The following ZCWPW2 variants were observed in gnomAD, a reference collection of about 807,000 sequenced individuals.
The protein encoded by ZCWPW2 is zinc finger CW-type PWWP domain protein 2.
In ZCWPW2, 45 loss-of-function variants were observed where a neutral mutation model predicts 46.6. That is an observed-to-expected ratio of 0.96 (90% confidence interval 0.76 to 1.24). The LOEUF (loss-of-function observed/expected upper bound fraction) is 1.24, where lower values mean the gene tolerates loss of function less well. Ranked by LOEUF, ZCWPW2 falls within the 50% of genes most tolerant of loss-of-function variation. The probability of loss-of-function intolerance (pLI) is 0.00; values close to 1 mark genes in which losing one functional copy is unlikely to be tolerated. For missense variants in ZCWPW2, 429 were observed against 403.9 expected, an observed-to-expected ratio of 1.06 and a Z score of -0.53; for synonymous variants, 152 against 137.1, an observed-to-expected ratio of 1.11 and a Z score of -0.76.
At chr3:28,443,927 AC>A (rs58890969) in intron 4 of ZCWPW2, among the ~76,000 whole-genome samples, 3,105 of 152,108 alleles carry the variant, frequency 0.02, 104 homozygotes, top group African/African-American at 0.062. Flanking sequence ...AAGCCTTTGG[AC>A]CCCTTCCTCT....
At chr3:28,360,197 A>T (rs141960863) in intron 1 of ZCWPW2, among the ~76,000 whole-genome samples, 3 of 152,068 alleles carry the variant, frequency 2.0e-5, no homozygotes, top group African/African-American at 7.2e-5. Context: ...GAAAAGTATT[A>T]CTTCCTCCAG....
At chr3:28,434,104 A>G (rs1443063608) in intron 3 of ZCWPW2, among the ~76,000 whole-genome samples, 1 of 152,132 alleles carries the variant, frequency 6.6e-6, no homozygotes, top group South Asian at 2.1e-4. Flanking sequence ...TTACATTCAC[A>G]ATCAGGAATT....
At chr3:28,498,647 A>G (rs1421470387) in intron 6 of ZCWPW2, among the ~76,000 whole-genome samples, 1 of 150,426 alleles carries the variant, frequency 6.6e-6, no homozygotes, top group East Asian at 1.9e-4. Flanking sequence ...AGGATTAGCT[A>G]TGCCTTTTTT....
rs372946047 is a variant in ZCWPW2, at chr3:28,397,922, T to C, written c.-14+7305T>C. On this transcript the variant is annotated intron_variant, in intron 2 of 9. Coordinates refer to ENST00000383768, the MANE Select transcript of ZCWPW2 (RefSeq NM_001040432.4). ...ATGCTTATTTCTGCATCATTTCTGT[T>C]GTTCTAATGAAGTTCTCATTATGTT... 6.6e-4 allele frequency: 101 copies of C among 152,350 alleles called. 2 individuals are homozygous for C. The highest frequency in any genetic ancestry group is 2.3e-3 in the African/African-American group (94 of 41,580). The allele number at this position is 152,350 out of a possible 1,614,324, so 9.4% of individuals were successfully genotyped here.
intron 6 of ZCWPW2, among the ~76,000 whole-genome samples, chr3:28,506,132 AAT>A (rs1237941279): frequency 3.4e-5 from 5 of 147,246 alleles, no homozygotes; most frequent in South Asian, 4.2e-4. Flanking sequence ...ATATATTTTT[AAT>A]ATATATATAT....
At chr3:28,503,045 A>G (rs1008889160) in intron 6 of ZCWPW2, among the ~76,000 whole-genome samples, 1 of 152,140 alleles carries the variant, frequency 6.6e-6, no homozygotes, top group African/African-American at 2.4e-5. Context: ...CATAATGCCC[A>G]TTTAAAAATT....
At chr3:28,510,830 A>G (rs1700406657) in intron 6 of ZCWPW2, among the ~76,000 whole-genome samples, 1 of 152,200 alleles carries the variant, frequency 6.6e-6, no homozygotes. Context: ...AGGATCTTCC[A>G]TGAGAAGATG....
chr3:28,413,007 T>C, intron 2 of ZCWPW2, 49 bp from the exon 3 acceptor site: 1 of 1,468,900 alleles, frequency 6.8e-7, no homozygotes, highest in Middle Eastern at 2.4e-4. Flanking sequence ...TTTCTCTCCT[T>C]ATACTCTTGA....
rs1403026908 is a variant in ZCWPW2, at chr3:28,525,412, C to T, written c.*724C>T. The stretch of plus-strand genomic sequence containing the variant: ...AATCTAACAATATAGAAAGTAAAAA[C>T]TCATCATTTTTCAGGGATTCTCATG... On this transcript the variant is annotated 3_prime_UTR_variant, in exon 10 of 10. Transcript: ENST00000383768. 1.3e-5 allele frequency among the ~76,000 whole-genome samples: 2 copies of T among 152,004 alleles called. No homozygotes were observed. The highest frequency in any genetic ancestry group is 2.9e-5 in the Non-Finnish European group (2 of 67,988).
At chr3:28,350,622 G>A (rs940837987) in intron 1 of ZCWPW2, among the ~76,000 whole-genome samples, 2 of 148,734 alleles carry the variant, frequency 1.3e-5, no homozygotes, top group Admixed American at 1.3e-4. Context: ...AATATAATCC[G>A]TATAGTCATT....
chr3:28,402,391 C>A (rs1362120687), intron 2 of ZCWPW2, among the ~76,000 whole-genome samples: 1 of 151,996 alleles, frequency 6.6e-6, no homozygotes, highest in East Asian at 1.9e-4. Context: ...ATTAGATACC[C>A]CGAATAGACC....
intron 2 of ZCWPW2, among the ~76,000 whole-genome samples, chr3:28,403,709 G>A (rs1050701445): frequency 1.3e-5 from 2 of 152,214 alleles, no homozygotes; most frequent in Admixed American, 6.5e-5. Context: ...ACAGACCAAT[G>A]GAACAGAATA....
At chr3:28,457,745 C>CT (rs1041893517) in intron 4 of ZCWPW2, among the ~76,000 whole-genome samples, 27 of 151,948 alleles carry the variant, frequency 1.8e-4, no homozygotes, top group Non-Finnish European at 3.2e-4. Context: ...GAGTTTACAA[C>CT]TTTTTTTTGC....
At chr3:28,522,394 T>C (rs891214422) in intron 9 of ZCWPW2, among the ~76,000 whole-genome samples, 2 of 152,200 alleles carry the variant, frequency 1.3e-5, no homozygotes, top group African/African-American at 4.8e-5. Flanking sequence ...TCTTACTTCA[T>C]CTCTCTTTTC....
At chr3:28,467,925 T>C (rs1698888937) in intron 4 of ZCWPW2, among the ~76,000 whole-genome samples, 1 of 152,100 alleles carries the variant, frequency 6.6e-6, no homozygotes, top group Non-Finnish European at 1.5e-5. Context: ...CTGATGAACA[T>C]GCACAAGCAT....
chr3:28,364,297 A>C (rs1315470691), intron 1 of ZCWPW2, among the ~76,000 whole-genome samples: 3 of 152,008 alleles, frequency 2.0e-5, no homozygotes, highest in African/African-American at 7.2e-5. Flanking sequence ...GCACCAAAAG[A>C]CATAGACATA....
At chr3:28,451,400 T>A (rs1698221394) in intron 4 of ZCWPW2, among the ~76,000 whole-genome samples, 1 of 152,202 alleles carries the variant, frequency 6.6e-6, no homozygotes. Flanking sequence ...CAAATTCTTT[T>A]CTCTTTGTAC....
At chr3:28,369,999 G>A (rs139474588) in intron 1 of ZCWPW2, among the ~76,000 whole-genome samples, 25 of 152,310 alleles carry the variant, frequency 1.6e-4, no homozygotes, top group East Asian at 9.7e-4. Context: ...TGCTAATACC[G>A]TTGGAAAAGT....
At chr3:28,514,309 C>T (rs72911006) in intron 7 of ZCWPW2, among the ~76,000 whole-genome samples, 187 bp downstream of exon 7, 25,349 of 151,770 alleles carry the variant, frequency 0.17, 2,467 homozygotes, top group East Asian at 0.44. Flanking sequence ...TGGATGCCTA[C>T]CTCCTATATT....
Sources: allele counts gnomAD v4.1 joint callset (sites outside exome capture counted in the v4.1 genomes callset), GRCh38; gene constraint gnomAD v4.1.1; transcripts MANE v1.5; gene names NCBI Gene and HGNC (gene_info 2026-07-23, HGNC 2026-07-21).